EIF2AK1: variants seen among roughly 807,000 people sequenced by gnomAD.
The protein encoded by EIF2AK1 is eukaryotic translation initiation factor 2-alpha kinase 1.
Under a neutral mutation model 77.9 loss-of-function variants are expected in EIF2AK1, and 54 were observed. The ratio of observed to expected loss-of-function variants is 0.69; its 90% confidence interval spans 0.56 to 0.87. The LOEUF is 0.87. EIF2AK1 is among the 40% of genes least tolerant of loss of function. The pLI is 0.00. For missense variants in EIF2AK1, 810 were observed against 768.6 expected (o/e 1.05, Z -0.64); for synonymous variants, 314 against 290.5 (o/e 1.08, Z -0.82).
Position 6,049,987 on chromosome 7 carries a change from C to G in EIF2AK1, c.336G>C (p.Glu112Asp). The G allele has an allele frequency of 6.2e-7, 1 of 1,613,148 alleles. No individual in the cohort carries two copies. Among genetic ancestry groups the G allele is most frequent in the African/African-American group, 1.3e-5 (1 of 74,970 alleles). Residue 112 changes from glutamate to aspartate, a missense_variant, in exon 3 of 15, where the codon GAG becomes GAC. Physicochemically the swap from Glu to Asp is conservative, Grantham distance 45. Coordinates refer to ENST00000199389, the MANE Select transcript of EIF2AK1 (RefSeq NM_014413.4). ...GLLSSFTCSDEFSSLRLHHNR... is the reference protein window; with the variant it reads ...GLLSSFTCSDDFSSLRLHHNR... The stretch of plus-strand genomic sequence containing the variant: ...TGTGATGTAGTCTCAATGAGCTAAA[C>G]TCGTCACTACAAGTGAAAGAAGACA...
At chr7:6,024,839 C>CT (rs372712239) in intron 14 of EIF2AK1, 38 bp from the exon 15 acceptor site, 209,748 of 1,085,206 alleles carry the variant, frequency 0.19, 864 homozygotes, top group Non-Finnish European at 0.2. Context: ...ATTAAAATAA[C>CT]TTTTTTTTTT....
At chr7:6,031,029 A>G (rs1787894632) in intron 11 of EIF2AK1, among the ~76,000 whole-genome samples, 2 of 152,250 alleles carry the variant, frequency 1.3e-5, no homozygotes, top group South Asian at 4.1e-4. Context: ...TTTAAAAGTA[A>G]TAATTTTAAC....
chr7:6,056,613 A>AAAATATATATATATATATAT, intron 1 of EIF2AK1, among the ~76,000 whole-genome samples: 29 of 43,718 alleles, frequency 6.6e-4, no homozygotes, highest in Admixed American at 1.9e-3. Flanking sequence ...AAAAAAAAAA[A>AAAATATATATATATATATAT]ATATATATAT....
chr7:6,053,048 T>G (rs1241620112), intron 2 of EIF2AK1, among the ~76,000 whole-genome samples: 1 of 152,146 alleles, frequency 6.6e-6, no homozygotes, highest in Non-Finnish European at 1.5e-5. Flanking sequence ...AATTATGGGA[T>G]CCACAGTTAT....
chr7:6,047,830 G>A (rs886882907), intron 4 of EIF2AK1: 1 of 152,168 alleles, frequency 6.6e-6, no homozygotes, highest in African/African-American at 2.4e-5. Flanking sequence ...TTCCAACCTG[G>A]GCTAGTTCAC....
In EIF2AK1 at chr7:6,027,396, T is replaced by A. The variant is rs1787778424; in HGVS notation, c.1531-435A>T. ...CCTTGGTGACATTTAACAAACTGCA[T>A]AAAATCTGTGATACTACTCCTAAAA... On this transcript the variant is annotated intron_variant, in intron 13 of 14. Transcript: ENST00000199389. The surrounding 1 kb of genome is among the most constrained non-coding windows in gnomAD (Gnocchi z 4.5). 6.6e-6 allele frequency among the ~76,000 whole-genome samples: 1 copy of A among 152,198 alleles called. No homozygotes were observed. Among genetic ancestry groups the A allele is most frequent in the Non-Finnish European group, 1.5e-5 (1 of 68,036 alleles).
chr7:6,044,654 C>T lies in EIF2AK1; in HGVS notation c.638G>A (p.Arg213Gln), dbSNP rs756041203. Residue 213 changes from arginine (R) to glutamine (Q), a missense_variant, in exon 7 of 15, where the codon CGG (arginine) becomes CAG (glutamine). By Grantham distance (43) the Arg-to-Gln change is conservative. Coordinates refer to ENST00000199389, the MANE Select transcript of EIF2AK1 (RefSeq NM_014413.4). Reference protein sequence around the residue: ...ATKTVCMKVLREVKVLAGLQH... With the variant: ...ATKTVCMKVLQEVKVLAGLQH... The stretch of plus-strand genomic sequence containing the variant: ...AAGACCTGCCAGCACCTTCACTTCC[C>T]GTAGGACCTAGAAAAGAAATGGAAG... 19 of 1,613,508 alleles carry T rather than the reference C, an allele frequency of 1.2e-5. No individual in the cohort carries two copies. The highest frequency in any genetic ancestry group is 3.3e-4 in the Middle Eastern group (2 of 6,084).
intron 5 of EIF2AK1, 54 bp downstream of exon 5, chr7:6,046,925 ATGAAAACAATATC>A: frequency 1.5e-6 from 2 of 1,364,358 alleles, no homozygotes; most frequent in Non-Finnish European, 2.0e-6. Context: ...TAAAAGAATA[ATGAAAACAATATC>A]TGAAAACACA....
chr7:6,031,484 A>G lies in EIF2AK1; in HGVS notation c.1333-2452T>C, dbSNP rs12334093. The G allele has an allele frequency of 0.099, 153,820 of 1,550,670 alleles. 8,632 individuals carry two copies. Among genetic ancestry groups the G allele is most frequent in the African/African-American group, 0.23 (16,964 of 73,106 alleles). ...TCACTCGAAACTCTATGAAGCCATC[A>G]TGAGAGAAGACTGCACTACGATCGA... On this transcript the variant is annotated intron_variant, in intron 11 of 14. Transcript: ENST00000199389.
chr7:6,041,143 T>C lies in EIF2AK1; in HGVS notation c.868A>G (p.Lys290Glu). The change falls in exon 9 of 15, where the codon AAA becomes GAA. Residue 290 changes from lysine (K) to glutamate (E), a missense_variant. Transcript: ENST00000199389. ...IFAEPTPEKE[K>E]RFGESDTENQ... is the part of the protein sequence containing the mutation. Reference sequence around the variant, plus strand: ...TCAGTGTCAGATTCTCCAAAGCGTTTTTCTTTTTCTGGGGTGGGCTCAGCA... The same window carrying C: ...TCAGTGTCAGATTCTCCAAAGCGTTCTTCTTTTTCTGGGGTGGGCTCAGCA... 1.2e-6 allele frequency: 2 copies of C among 1,614,168 alleles called. No homozygotes were observed. Among genetic ancestry groups the C allele is most frequent in the Non-Finnish European group, 1.7e-6 (2 of 1,180,036 alleles).
rs949043584 is a variant in EIF2AK1 at position 6,054,553 on chromosome 7, C to A, written c.270G>T (p.Val90=). 6.2e-7 allele frequency: 1 copy of A among 1,614,052 alleles called. No individual in the cohort carries two copies. Reference sequence around the variant, plus strand: ...TCATTTATTCTTACTTACGCTTAAACACCTGTCTTGAACGAAGTGGGTTTG... The same window carrying A: ...TCATTTATTCTTACTTACGCTTAAAAACCTGTCTTGAACGAAGTGGGTTTG... ...HEPNPLRSRQ[V]FKLLCQTFIK... Residue 90 remains valine (V), a synonymous_variant, in exon 2 of 15, where the codon GTG becomes GTT. Coordinates refer to ENST00000199389, the MANE Select transcript of EIF2AK1 (RefSeq NM_014413.4).
intron 6 of EIF2AK1, among the ~76,000 whole-genome samples, chr7:6,045,653 G>GGAACT: frequency 6.6e-6 from 1 of 151,208 alleles, no homozygotes; most frequent in East Asian, 1.9e-4. Flanking sequence ...AGACTGACCT[G>GGAACT]GAACTGGGCT....
chr7:6,057,413 CAT>C (rs761371896), intron 1 of EIF2AK1: 7 of 151,854 alleles, frequency 4.6e-5, no homozygotes, highest in Admixed American at 4.6e-4. Flanking sequence ...AATTGCAACA[CAT>C]TTTTTTGTTT....
intron 10 of EIF2AK1, 49 bp downstream of exon 10, chr7:6,038,511 G>A (rs748201392): frequency 2.1e-5 from 29 of 1,408,428 alleles, no homozygotes; most frequent in Non-Finnish European, 2.6e-5. Flanking sequence ...AGATGGGGAA[G>A]GTGTGACTGT....
Position 6,032,265 on chromosome 7 carries a change from T to A in EIF2AK1, c.1333-3233A>T, listed in dbSNP as rs913848544. On this transcript the variant is annotated intron_variant, in intron 11 of 14. Coordinates refer to ENST00000199389, the MANE Select transcript of EIF2AK1 (RefSeq NM_014413.4). The surrounding 1 kb of genome is among the most constrained non-coding windows in gnomAD (Gnocchi z 4.3). Reference sequence around the variant, plus strand: ...ATACAATGATTATTACTTTTACAATTAAATTCAAAAAGGAAGTCACCCTCC... The same window carrying A: ...ATACAATGATTATTACTTTTACAATAAAATTCAAAAAGGAAGTCACCCTCC... Among the ~76,000 whole-genome samples the A allele has an allele frequency of 1.3e-5, 2 of 152,224 alleles. No homozygotes were observed. The highest frequency in any genetic ancestry group is 6.5e-5 in the Admixed American group (1 of 15,274).
chr7:6,039,704 G>A (rs952358747), intron 9 of EIF2AK1, among the ~76,000 whole-genome samples: 5 of 151,524 alleles, frequency 3.3e-5, no homozygotes, highest in Non-Finnish European at 4.4e-5. Flanking sequence ...GGAGGCCGAG[G>A]CAGGTGGATC....
At chr7:6,026,377 G>C (rs1787746137) in intron 14 of EIF2AK1, 1 of 488,706 alleles carries the variant, frequency 2.0e-6, no homozygotes, top group Non-Finnish European at 4.1e-6. Flanking sequence ...AACCCTGCGG[G>C]CCCCTCCGGC....
At chr7:6,056,613 A>AAAAAAAAAAAATATAT in intron 1 of EIF2AK1, among the ~76,000 whole-genome samples, 1 of 43,728 alleles carries the variant, frequency 2.3e-5, no homozygotes, top group Non-Finnish European at 4.7e-5. Context: ...AAAAAAAAAA[A>AAAAAAAAAAAATATAT]ATATATATAT....
chr7:6,028,075 T>C lies in EIF2AK1; in HGVS notation c.1530+540A>G, dbSNP rs116445807. 1,542 of 354,336 alleles carry C rather than the reference T, an allele frequency of 4.4e-3. 22 individuals are homozygous for C. The highest frequency in any genetic ancestry group is 0.024 in the African/African-American group (1,106 of 45,996). The allele number at this position is 354,336 out of a possible 1,614,324, so 21.9% of individuals were successfully genotyped here. On this transcript the variant is annotated intron_variant, in intron 13 of 14. Coordinates refer to ENST00000199389, the MANE Select transcript of EIF2AK1 (RefSeq NM_014413.4). ...AAGACCCTGTCTCAAAAACAACAAA[T>C]GAACAAACAAAAAAATTGTGACATC...
Sources: allele counts gnomAD v4.1 joint callset (sites outside exome capture counted in the v4.1 genomes callset), GRCh38; gene constraint gnomAD v4.1.1; non-coding constraint Gnocchi (gnomAD v3.1); transcripts MANE v1.5; gene names NCBI Gene and HGNC (gene_info 2026-07-23, HGNC 2026-07-21).